Variants in SPATA7 observed in about 807,000 individuals in gnomAD.
SPATA7 encodes the protein spermatogenesis associated 7.
Under a neutral mutation model 51.8 loss-of-function variants are expected in SPATA7, and 43 were observed. The ratio of observed to expected loss-of-function variants is 0.83; its 90% CI spans 0.65 to 1.07. The LOEUF (loss-of-function observed/expected upper bound fraction) is 1.07. Ranked by LOEUF, SPATA7 falls within the 50% of genes least tolerant of loss-of-function variation. The pLI is 0.00. For missense variants in SPATA7, 683 were observed against 701.3 expected, an observed-to-expected ratio of 0.97 and a Z score of 0.30; for synonymous variants, 230 against 252.8, an observed-to-expected ratio of 0.91 and a Z score of 0.86.
intron 4 of SPATA7, among the ~76,000 whole-genome samples, chr14:88,407,036 T>C (rs2076218507): frequency 6.6e-6 from 1 of 152,212 alleles, no homozygotes; most frequent in Non-Finnish European, 1.5e-5. Context: ...TTTGTGTTGG[T>C]TCCAAGTCTT....
intron 1 of SPATA7, among the ~76,000 whole-genome samples, chr14:88,389,945 A>G (rs1566744535): frequency 1.3e-5 from 2 of 152,322 alleles, no homozygotes; most frequent in East Asian, 1.9e-4. Flanking sequence ...AGCTTAGAAC[A>G]TGGTTCAAGT....
chr14:88,390,494 C>T (rs1211776677), intron 1 of SPATA7, among the ~76,000 whole-genome samples: 1 of 152,126 alleles, frequency 6.6e-6, no homozygotes, highest in African/African-American at 2.4e-5. Context: ...ATGAAAGTAC[C>T]TTTCCTAATA....
intron 3 of SPATA7, among the ~76,000 whole-genome samples, chr14:88,448,459 T>A (rs2140045705): frequency 6.6e-6 from 1 of 152,330 alleles, no homozygotes; most frequent in South Asian, 2.1e-4. Context: ...AGTAATTTGA[T>A]CGTCTGAAGC....
At chr14:88,385,941 GC>G (rs2075562219) in intron 1 of SPATA7, 104 bp downstream of exon 1, 1 of 1,540,124 alleles carries the variant, frequency 6.5e-7, no homozygotes, top group African/African-American at 1.4e-5. Flanking sequence ...CCCTTGGGGC[GC>G]TTCCTACCCC....
intron 4 of SPATA7, among the ~76,000 whole-genome samples, chr14:88,398,594 C>T (rs1247903044): frequency 6.7e-6 from 1 of 150,308 alleles, no homozygotes; most frequent in Non-Finnish European, 1.5e-5. Flanking sequence ...CTAACCTGCA[C>T]AATGTGCACA....
intron 3 of SPATA7, among the ~76,000 whole-genome samples, chr14:88,395,749 A>G (rs2075862294): frequency 6.6e-6 from 1 of 151,966 alleles, no homozygotes; most frequent in Non-Finnish European, 1.5e-5. Context: ...CTGTTTCTGG[A>G]CTTAACTCCT....
chr14:88,388,217 TTGATC>T (rs2075636091), intron 1 of SPATA7, among the ~76,000 whole-genome samples: 1 of 152,176 alleles, frequency 6.6e-6, no homozygotes, highest in Admixed American at 6.5e-5. Flanking sequence ...AAAAATTGTT[TTGATC>T]TGTTGGTCTC....
intron 4 of SPATA7, among the ~76,000 whole-genome samples, chr14:88,461,410 G>C (rs2077316814): frequency 6.6e-6 from 1 of 152,148 alleles, no homozygotes; most frequent in Non-Finnish European, 1.5e-5. Flanking sequence ...CAGCAATGGT[G>C]GATGCCCCTC....
intron 2 of SPATA7, 100 bp from the exon 3 acceptor site, chr14:88,393,293 C>T (rs1566747750): frequency 2.4e-6 from 2 of 844,490 alleles, no homozygotes; most frequent in Non-Finnish European, 3.8e-6. Context: ...GGTTGAATTT[C>T]AGAACATTTT....
downstream of SPATA7, among the ~76,000 whole-genome samples, chr14:88,443,105 C>T (rs2077188592): frequency 6.6e-6 from 1 of 151,972 alleles, no homozygotes; most frequent in Non-Finnish European, 1.5e-5. Flanking sequence ...CCACTGCGCC[C>T]AGCTAATTTT....
At chr14:88,445,362 T>G (rs2077204357) in intron 3 of SPATA7, among the ~76,000 whole-genome samples, 1 of 152,034 alleles carries the variant, frequency 6.6e-6, no homozygotes, top group Non-Finnish European at 1.5e-5. Flanking sequence ...CTGAAGTTGC[T>G]TATCAGCTTA....
chr14:88,415,398 T>C (rs1475202915), intron 4 of SPATA7: 1 of 161,098 alleles, frequency 6.2e-6, no homozygotes, highest in African/African-American at 2.4e-5. Flanking sequence ...GTTTGCATGA[T>C]AGGTCTTTCT....
At chr14:88,438,922 C>T (rs1157240788), downstream of SPATA7, among the ~76,000 whole-genome samples, 1 of 152,148 alleles carries the variant, frequency 6.6e-6, no homozygotes, top group Non-Finnish European at 1.5e-5. Flanking sequence ...CTTTCTATCA[C>T]CTTTACCGTG....
Position 88,426,626 on chromosome 14 carries a change from A to T in SPATA7, c.767A>T (p.Tyr256Phe). Residue 256 changes from tyrosine to phenylalanine, a missense_variant, in exon 6 of 12, where the codon TAT becomes TTT. Transcript: ENST00000393545. The part of the protein sequence containing the change: ...KTEAKSFLSQ[Y>F]RYYTPAKRKK... ...GAAGCAAAATCTTTCCTGTCACAGT[A>T]TCGCTATTATACACCTGCCAAAAGA... 6.2e-7 allele frequency: 1 copy of T among 1,614,142 alleles called. No homozygotes were observed. Among genetic ancestry groups the T allele is most frequent in the Non-Finnish European group, 8.5e-7 (1 of 1,180,032 alleles).
chr14:88,393,295 G>A (rs977772993), intron 2 of SPATA7, 98 bp from the exon 3 acceptor site: 20 of 861,194 alleles, frequency 2.3e-5, no homozygotes, highest in Non-Finnish European at 3.5e-5. Context: ...TTGAATTTCA[G>A]AACATTTTAT....
intron 4 of SPATA7, chr14:88,414,721 C>T (rs576759954): frequency 3.4e-4 from 125 of 364,720 alleles, no homozygotes; most frequent in African/African-American, 2.6e-3. Context: ...TTGCTGCATC[C>T]CAGAAATTTT....
chr14:88,441,204 G>A (rs554181745), downstream of SPATA7, among the ~76,000 whole-genome samples: 4,147 of 151,794 alleles, frequency 0.027, 183 homozygotes, highest in African/African-American at 0.091. Flanking sequence ...GTGTGTGTGT[G>A]TATATATATA....
chr14:88,419,560 T>C (rs2076580115), intron 5 of SPATA7, among the ~76,000 whole-genome samples: 1 of 151,208 alleles, frequency 6.6e-6, no homozygotes, highest in African/African-American at 2.4e-5. Flanking sequence ...AGAGTCTCGC[T>C]TTTTTACCCA....
At chr14:88,470,121 T>C in exon 5 of SPATA7, 5 of 1,477,782 alleles carry the variant, frequency 3.4e-6, no homozygotes, top group Admixed American at 2.1e-5. Context: ...CATGCATTCA[T>C]GGTAGTACTA....
Sources: gnomAD v4.1 joint callset for allele counts (sites outside exome capture counted in the v4.1 genomes callset) on GRCh38, gnomAD v4.1.1 for gene constraint, MANE v1.5 for transcripts, NCBI Gene and HGNC (gene_info 2026-07-23, HGNC 2026-07-21) for gene names.